PLSCR4: variants seen among roughly 807,000 people sequenced by gnomAD.
The protein encoded by PLSCR4 is phospholipid scramblase 4, also known as Ca(2+)-dependent phospholipid scramblase 4.
In PLSCR4, 25 loss-of-function variants were observed where a neutral mutation model predicts 36.3. The observed-to-expected ratio is 0.69, with a 90% CI of 0.50 to 0.96. PLSCR4 has a LOEUF of 0.96. Ranked by LOEUF, PLSCR4 falls within the 40% of genes least tolerant of loss-of-function variation. PLSCR4 has a pLI of 0.00. For synonymous variants in PLSCR4, 122 were observed against 132.9 expected (o/e 0.92, Z 0.56); for missense variants, 408 against 414.7 (o/e 0.98, Z 0.14).
chr3:146,245,335 TCA>T (rs1029436838), intron 1 of PLSCR4, among the ~76,000 whole-genome samples: 3 of 152,056 alleles, frequency 2.0e-5, no homozygotes, highest in African/African-American at 7.2e-5. Flanking sequence ...AATCAAATGT[TCA>T]GTTTACCAAT....
chr3:146,214,522 C>G (rs2034800268), intron 3 of PLSCR4, among the ~76,000 whole-genome samples: 1 of 151,822 alleles, frequency 6.6e-6, no homozygotes, highest in Admixed American at 6.6e-5. Context: ...CGTTTTCATT[C>G]ATCTCAAAGT....
intron 1 of PLSCR4, chr3:146,223,877 A>G (rs986542047): frequency 6.9e-4 from 98 of 142,098 alleles, no homozygotes; most frequent in African/African-American, 2.4e-3. Context: ...AATATATATT[A>G]TATATTTTTA....
chr3:146,209,938 CAA>C (rs1381238024), intron 3 of PLSCR4, among the ~76,000 whole-genome samples: 1 of 151,990 alleles, frequency 6.6e-6, no homozygotes, highest in Non-Finnish European at 1.5e-5. Context: ...TTATGTAAGT[CAA>C]GATATTTTAT....
chr3:146,209,579 T>G (rs1391329267), intron 3 of PLSCR4, among the ~76,000 whole-genome samples: 2 of 152,126 alleles, frequency 1.3e-5, no homozygotes, highest in Non-Finnish European at 2.9e-5. Context: ...ACAATAAGTA[T>G]GAGAATGCCA....
Position 146,199,989 on chromosome 3 carries a change from C to G in PLSCR4, c.448G>C (p.Asp150His). 1 of 1,612,064 alleles carries G rather than the reference C, an allele frequency of 6.2e-7. No homozygotes were observed. The highest frequency in any genetic ancestry group is 8.5e-7 in the Non-Finnish European group (1 of 1,178,438). Residue 150 changes from aspartate to histidine, a missense_variant, in exon 6 of 9, where the codon GAC becomes CAC. Physicochemically the swap from Asp to His is moderately conservative, Grantham distance 81. Transcript: ENST00000354952. ...NNRYDIKNNSDQMVYIVTEDT... is the reference protein window; with the variant it reads ...NNRYDIKNNSHQMVYIVTEDT... ...TCGGTTACAATGTAAACCATCTGGT[C>G]TGAGTTGTTTTTAATATCATATCTA...
chr3:146,216,441 T>A (rs1306199967), intron 3 of PLSCR4, among the ~76,000 whole-genome samples: 2 of 151,194 alleles, frequency 1.3e-5, no homozygotes, highest in Admixed American at 6.6e-5. Context: ...TAAAAAAAAA[T>A]AAAAAGAAAG....
chr3:146,212,290 G>A (rs1234725833), intron 3 of PLSCR4, among the ~76,000 whole-genome samples: 7 of 151,640 alleles, frequency 4.6e-5, no homozygotes, highest in Non-Finnish European at 1.0e-4. Context: ...TATTGTATGT[G>A]GAATTATAAT....
intron 3 of PLSCR4, among the ~76,000 whole-genome samples, chr3:146,213,567 C>A (rs1371257427): frequency 6.6e-6 from 1 of 152,164 alleles, no homozygotes; most frequent in Non-Finnish European, 1.5e-5. Flanking sequence ...AGGTGATCCA[C>A]CCGCCTCGGA....
chr3:146,195,728 G>A (rs1046979157), intron 7 of PLSCR4, among the ~76,000 whole-genome samples: 20 of 152,092 alleles, frequency 1.3e-4, no homozygotes, highest in African/African-American at 4.6e-4. Context: ...AGATACCAAC[G>A]AGCTTCAGTT....
chr3:146,217,364 G>A (rs1458576732), intron 3 of PLSCR4, among the ~76,000 whole-genome samples: 6 of 152,334 alleles, frequency 3.9e-5, no homozygotes, highest in African/African-American at 1.4e-4. Flanking sequence ...GAACAGGCAG[G>A]TGCATAGAGG....
intron 4 of PLSCR4, among the ~76,000 whole-genome samples, chr3:146,202,621 T>C (rs11918700): frequency 0.051 from 7,686 of 152,008 alleles, 604 homozygotes; most frequent in African/African-American, 0.17. Flanking sequence ...ATAATGAAGT[T>C]TGCCATATCA....
At chr3:146,232,924 A>T (rs1440158091) in intron 1 of PLSCR4, among the ~76,000 whole-genome samples, 2 of 150,460 alleles carry the variant, frequency 1.3e-5, no homozygotes, top group African/African-American at 4.8e-5. Flanking sequence ...AATCTACATT[A>T]CAAGCTTGAA....
chr3:146,239,931 A>G (rs192977429), intron 1 of PLSCR4, among the ~76,000 whole-genome samples: 1 of 152,274 alleles, frequency 6.6e-6, no homozygotes, highest in African/African-American at 2.4e-5. Context: ...AAGCTAATAA[A>G]TGTTAGAAGA....
chr3:146,238,282 C>T (rs139040627), intron 1 of PLSCR4, among the ~76,000 whole-genome samples: 1,523 of 151,510 alleles, frequency 0.01, 17 homozygotes, highest in African/African-American at 0.035. Context: ...ATCAACCCTT[C>T]GCAAACTCTT....
At chr3:146,199,214 A>G (rs1671192878) in intron 6 of PLSCR4, among the ~76,000 whole-genome samples, 1 of 152,142 alleles carries the variant, frequency 6.6e-6, no homozygotes, top group Non-Finnish European at 1.5e-5. Context: ...TCTAGAATTC[A>G]GACTCTGTTT....
intron 3 of PLSCR4, among the ~76,000 whole-genome samples, chr3:146,207,805 T>A (rs2034415726): frequency 6.6e-6 from 1 of 152,114 alleles, no homozygotes; most frequent in African/African-American, 2.4e-5. Context: ...TATAAGTCCA[T>A]CAAGGAACCT....
At chr3:146,230,987 G>A (rs1576487058) in intron 1 of PLSCR4, among the ~76,000 whole-genome samples, 1 of 152,116 alleles carries the variant, frequency 6.6e-6, no homozygotes, top group Non-Finnish European at 1.5e-5. Flanking sequence ...CACAGTAACT[G>A]ACAGGTAGTT....
At chr3:146,230,029 A>C (rs76762611) in intron 1 of PLSCR4, among the ~76,000 whole-genome samples, 2,356 of 152,244 alleles carry the variant, frequency 0.015, 63 homozygotes, top group African/African-American at 0.053. Flanking sequence ...ATGAGAACAT[A>C]TGAATTTGTA....
chr3:146,202,739 A>C (rs1029251866), intron 4 of PLSCR4, among the ~76,000 whole-genome samples: 2 of 152,012 alleles, frequency 1.3e-5, no homozygotes, highest in African/African-American at 4.8e-5. Context: ...ATCCACCTAA[A>C]AACTGCCACT....
Sources: allele counts gnomAD v4.1 joint callset (sites outside exome capture counted in the v4.1 genomes callset), GRCh38; gene constraint gnomAD v4.1.1; transcripts MANE v1.5; gene names NCBI Gene and HGNC (gene_info 2026-07-23, HGNC 2026-07-21).